The following KIF21B variants were observed in gnomAD, a reference collection of about 807,000 sequenced individuals.
The protein encoded by KIF21B is kinesin-like protein KIF21B.
A neutral mutation model predicts 192.9 loss-of-function variants in KIF21B; 85 were observed. The ratio of observed to expected loss-of-function variants is 0.44; its 90% CI spans 0.37 to 0.53. The LOEUF (loss-of-function observed/expected upper bound fraction) is 0.53, where lower values mean the gene tolerates loss of function less well. Among genes scored for constraint, KIF21B ranks in the 20% least tolerant of loss-of-function variants. The probability of loss-of-function intolerance (pLI) is 0.00; values close to 1 mark genes in which losing one functional copy is unlikely to be tolerated. For missense variants in KIF21B, 1,716 were observed against 2,194.8 expected, an observed-to-expected ratio of 0.78 and a Z score of 4.36; for synonymous variants, 832 against 884.6, an observed-to-expected ratio of 0.94 and a Z score of 1.05.
At chr1:200,995,188 G>A (rs115318438) in intron 15 of KIF21B, among the ~76,000 whole-genome samples, 16 of 152,272 alleles carry the variant, frequency 1.1e-4, no homozygotes, top group African/African-American at 3.1e-4. Context: ...ACATTGAGTC[G>A]GCTGTGAGCA....
intron 7 of KIF21B, 44 bp from the exon 8 acceptor site, chr1:201,003,825 A>C: frequency 6.3e-7 from 1 of 1,594,366 alleles, no homozygotes; most frequent in East Asian, 2.2e-5. Context: ...GGACACAGCC[A>C]GCCCCCAGAA....
intron 27 of KIF21B, among the ~76,000 whole-genome samples, chr1:200,983,709 C>T (rs183465388): frequency 7.2e-4 from 110 of 152,292 alleles, no homozygotes; most frequent in African/African-American, 2.6e-3. Context: ...ACAGCCCTGC[C>T]CCAATCCTTC....
intron 14 of KIF21B, among the ~76,000 whole-genome samples, chr1:200,997,701 C>T (rs1330828480): frequency 6.6e-6 from 1 of 152,154 alleles, no homozygotes; most frequent in Non-Finnish European, 1.5e-5. Flanking sequence ...GAGATCACGC[C>T]ACTGCACTCC....
chr1:201,023,266 C>T lies in KIF21B; in HGVS notation c.41+77G>A. ...CAGGCTCCAGCCCAAGCGGTGCTCG[C>T]GCCCCCCGCCCAAAGCCCACGCGAG... On this transcript the variant is annotated intron_variant, in intron 1 of 34. Transcript: ENST00000461742. The surrounding 1 kb of genome is among the most constrained non-coding windows in gnomAD (Gnocchi z 5.9). The T allele has an allele frequency of 1.5e-6, 2 of 1,313,726 alleles. No homozygotes were observed. The highest frequency in any genetic ancestry group is 2.1e-6 in the Non-Finnish European group (2 of 974,100). 81.4% of individuals were successfully genotyped at this position (1,313,726 alleles called of 1,614,324 possible).
rs1042342590 is a variant in KIF21B at position 201,004,222 on chromosome 1, C to G, written c.1016+118G>C. 10 of 802,586 alleles carry G rather than the reference C, an allele frequency of 1.2e-5. No homozygotes were observed. The African/African-American group carries it at 1.5e-4, about 12-fold the overall frequency. 49.7% of individuals were successfully genotyped at this position (802,586 alleles called of 1,614,324 possible). A position where few individuals can be genotyped will look rare whatever the true frequency, so the allele number is the denominator to read the frequency against. On this transcript the variant is annotated intron_variant, in intron 7 of 34. Transcript: ENST00000461742. ...AGGTTCCTACCTCCTAAACCTGCAG[C>G]CTAGGATGGGAAGGCCTCCTCCTCC...
intron 32 of KIF21B, among the ~76,000 whole-genome samples, chr1:200,976,478 T>A (rs1344230258): frequency 6.6e-6 from 1 of 152,236 alleles, no homozygotes; most frequent in African/African-American, 2.4e-5. Flanking sequence ...ATACTTCATG[T>A]TTGGTTTGCT....
At position 201,000,419 on chromosome 1, in the gene KIF21B, C is replaced by T. The variant is rs1225001720; in HGVS notation, c.1656G>A (p.Lys552=). 1.3e-6 allele frequency: 2 copies of T among 1,562,898 alleles called. No homozygotes were observed. Among genetic ancestry groups the T allele is most frequent in the South Asian group, 2.4e-5 (2 of 83,226 alleles). ...TCCTCCGCTGCCTGACCTCCTTCTT[C>T]TTTAGCCGCTCCAGGTCCTGCTTGG... ...RRAKQDLERL[K]KKEVRQRRKS... Residue 552 remains lysine (K), a synonymous_variant, in exon 11 of 35, where the codon AAG becomes AAA. Transcript: ENST00000461742. The surrounding 1 kb of genome is among the most constrained non-coding windows in gnomAD (Gnocchi z 6.0).
Position 201,004,788 on chromosome 1 carries a change from C to A in KIF21B, c.878G>T (p.Gly293Val). 6.2e-7 allele frequency: 1 copy of A among 1,614,082 alleles called. No homozygotes were observed. Among genetic ancestry groups the A allele is most frequent in the Non-Finnish European group, 8.5e-7 (1 of 1,180,028 alleles). Residue 293 changes from glycine to valine, a missense_variant, in exon 6 of 35, where the codon GGC (glycine) becomes GTC (valine). By Grantham distance (109) the Gly-to-Val change is moderately radical (BLOSUM62 -3). Around this residue, in one of 3 missense-constraint regions of KIF21B, gnomAD observed 1,087 missense variants for 1,316.6 expected, o/e 0.83. Coordinates refer to ENST00000461742, the MANE Select transcript of KIF21B (RefSeq NM_001252102.2). ...TGATGERAKE[G>V]ISINCGLLAL... ...TACCAGGCCACAGTTGATGGAGATG[C>A]CCTCCTTGGCCCGCTCGCCAGTAGC...
Position 200,999,495 on chromosome 1 carries a change from C to A in KIF21B, c.1768-29G>T. On this transcript the variant is annotated intron_variant, in intron 12 of 34. Transcript: ENST00000461742. The surrounding 1 kb of genome is among the most constrained non-coding windows in gnomAD (Gnocchi z 4.7). Reference sequence around the variant, plus strand: ...GGCACCAGGCACCATTGGGGTGGGCCTGGCCTCAGAGAGGGGAGCCCAGAA... The same window carrying A: ...GGCACCAGGCACCATTGGGGTGGGCATGGCCTCAGAGAGGGGAGCCCAGAA... 1 of 1,608,268 alleles carries A rather than the reference C, an allele frequency of 6.2e-7. No individual in the cohort carries two copies. Among genetic ancestry groups the A allele is most frequent in the South Asian group, 1.1e-5 (1 of 90,234 alleles).
In KIF21B at chr1:201,000,627, T is replaced by A; in HGVS notation, c.1467-19A>T. 6.2e-7 allele frequency: 1 copy of A among 1,613,258 alleles called. No homozygotes were observed. ...CTTAGTCCTGCACAGGAAGAACGAG[T>A]GGACGGGGCCGAGTGAGCTGCCACA... is the stretch of plus-strand genomic sequence containing the variant. On this transcript the variant is annotated intron_variant, in intron 10 of 34. Coordinates refer to ENST00000461742, the MANE Select transcript of KIF21B (RefSeq NM_001252102.2). The surrounding 1 kb of genome is among the most constrained non-coding windows in gnomAD (Gnocchi z 6.0).
chr1:200,978,580 G>C (rs1246305593), intron 30 of KIF21B, among the ~76,000 whole-genome samples: 1 of 152,100 alleles, frequency 6.6e-6, no homozygotes, highest in African/African-American at 2.4e-5. Flanking sequence ...TTCACTCTTG[G>C]TGTTGCACAT....
intron 1 of KIF21B, among the ~76,000 whole-genome samples, chr1:201,015,173 G>A (rs1658435931): frequency 6.6e-6 from 1 of 152,206 alleles, no homozygotes; most frequent in Non-Finnish European, 1.5e-5. Flanking sequence ...ATGCAAAAAG[G>A]TTTTCACCTT....
chr1:201,006,891 G>GAC lies in KIF21B; in HGVS notation c.448-1199_448-1198dup, dbSNP rs752184962. ...ACACACACAGACACAGAGACACATA[G>GAC]ACACACACACACAGAGACAGACACA... On this transcript the variant is annotated intron_variant, in intron 3 of 34. Transcript: ENST00000461742. 9.5e-5 allele frequency among the ~76,000 whole-genome samples: 13 copies of GAC among 136,758 alleles called. No homozygotes were observed. In the South Asian group the frequency reaches 1.7e-3, roughly 18 times the overall value. 89.7% of individuals were successfully genotyped at this position (136,758 alleles called of 152,430 possible). A position where few individuals can be genotyped will look rare whatever the true frequency, so the allele number is the denominator to read the frequency against.
chr1:201,020,665 C>T (rs1025936001), intron 1 of KIF21B, among the ~76,000 whole-genome samples: 1 of 152,180 alleles, frequency 6.6e-6, no homozygotes, highest in East Asian at 1.9e-4. Flanking sequence ...TTTCCTCCTC[C>T]GGCTCTCCAG....
At chr1:201,008,748 C>A (rs1369308445) in intron 3 of KIF21B, 21 bp downstream of exon 3, 51 of 1,564,272 alleles carry the variant, frequency 3.3e-5, no homozygotes, top group Non-Finnish European at 4.1e-5. Flanking sequence ...CCCACCTGCC[C>A]ACCCTATGGG....
At position 200,974,922 on chromosome 1, in the gene KIF21B, G is replaced by A. The variant is rs779495740; in HGVS notation, c.4615-9C>T. The A allele has an allele frequency of 1.9e-6, 3 of 1,612,924 alleles. No individual in the cohort carries two copies. Among genetic ancestry groups the A allele is most frequent in the Admixed American group, 3.3e-5 (2 of 60,018 alleles). On this transcript the variant is annotated splice_polypyrimidine_tract_variant and intron_variant, in intron 33 of 34. Transcript: ENST00000461742. Reference sequence around the variant, plus strand: ...TGCGCATTGGGGATTTGCTGTGAGAGGATCAGGGCTGGTGAGGGCTGGGGG... The same window carrying A: ...TGCGCATTGGGGATTTGCTGTGAGAAGATCAGGGCTGGTGAGGGCTGGGGG...
chr1:201,023,195 G>T lies in KIF21B; in HGVS notation c.41+148C>A, dbSNP rs1658955718. 1.7e-6 allele frequency: 1 copy of T among 580,634 alleles called. No homozygotes were observed. The highest frequency in any genetic ancestry group is 2.0e-5 in the African/African-American group (1 of 51,052). 36.0% of individuals were successfully genotyped at this position (580,634 alleles called of 1,614,324 possible). On this transcript the variant is annotated intron_variant, in intron 1 of 34. Transcript: ENST00000461742. The surrounding 1 kb of genome is among the most constrained non-coding windows in gnomAD (Gnocchi z 5.9). ...TCCCCTGCGGCAGACTGGCCAGCGCGCGGCGCCCTCCATCCCGTCCCACGC... is the reference window on the plus strand; with the variant it reads ...TCCCCTGCGGCAGACTGGCCAGCGCTCGGCGCCCTCCATCCCGTCCCACGC...
chr1:200,974,529 C>T (rs920636997), intron 34 of KIF21B, among the ~76,000 whole-genome samples, 185 bp downstream of exon 34: 2 of 152,106 alleles, frequency 1.3e-5, no homozygotes, highest in African/African-American at 4.8e-5. Context: ...GCGCAGTGCC[C>T]AGCACATGGT....
chr1:201,014,453 A>G (rs1658394486), intron 1 of KIF21B, among the ~76,000 whole-genome samples: 1 of 152,216 alleles, frequency 6.6e-6, no homozygotes, highest in Admixed American at 6.5e-5. Context: ...GGGAGGAGGC[A>G]GCCCAGGGGT....
Sources: gnomAD v4.1 joint callset for allele counts (sites outside exome capture counted in the v4.1 genomes callset) on GRCh38, gnomAD v4.1.1 for gene constraint, gnomAD v4.1.1 regional missense constraint, Gnocchi (gnomAD v3.1) non-coding constraint, MANE v1.5 for transcripts, NCBI Gene and HGNC (gene_info 2026-07-23, HGNC 2026-07-21) for gene names.